The following SGO1 variants were observed in gnomAD, a reference collection of about 807,000 sequenced individuals.
The protein encoded by SGO1 is shugoshin 1, also known as serologically defined breast cancer antigen NY-BR-85.
In SGO1, 39 loss-of-function variants were observed where a neutral mutation model predicts 50.5. The ratio of observed to expected loss-of-function variants is 0.77; its 90% confidence interval spans 0.60 to 1.01. The LOEUF is 1.01. Ranked by LOEUF, SGO1 falls within the 50% of genes least tolerant of loss-of-function variation. The probability of loss-of-function intolerance (pLI) is 0.00; values close to 1 mark genes in which losing one functional copy is unlikely to be tolerated. For synonymous variants in SGO1, 191 were observed against 205.1 expected (o/e 0.93, Z 0.59); for missense variants, 638 against 606.0 (o/e 1.05, Z -0.55).
At chr3:20,180,584 G>C (rs1701900079) in intron 3 of SGO1, among the ~76,000 whole-genome samples, 1 of 152,122 alleles carries the variant, frequency 6.6e-6, no homozygotes, top group African/African-American at 2.4e-5. Context: ...CTGGGGAGTG[G>C]CTGGGGTTGG....
downstream of SGO1, chr3:20,168,786 G>T (rs1700447304): frequency 4.5e-6 from 1 of 222,042 alleles, no homozygotes; most frequent in African/African-American, 2.3e-5. Context: ...GGGACTACAG[G>T]CGCCTGGCTA....
chr3:20,178,257 A>G lies in SGO1; in HGVS notation c.416+14T>C. On this transcript the variant is annotated intron_variant, in intron 4 of 7. Coordinates refer to ENST00000412997, the MANE Select transcript of SGO1 (RefSeq NM_001199251.3). Reference sequence around the variant, plus strand: ...CTTAGTATTAATAATCATGATAAAGAATTTGATACTAACGGTAAATCCTTC... The same window carrying G: ...CTTAGTATTAATAATCATGATAAAGGATTTGATACTAACGGTAAATCCTTC... The G allele has an allele frequency of 6.4e-7, 1 of 1,567,586 alleles. No homozygotes were observed. The highest frequency in any genetic ancestry group is 1.1e-5 in the South Asian group (1 of 89,924).
Position 20,174,962 on chromosome 3 carries a change from GA to G in SGO1, c.568del (p.Ser190LeufsTer6). The G allele has an allele frequency of 6.2e-7, 1 of 1,613,804 alleles. No individual in the cohort carries two copies. ...STDNVLPRTV[S>X]VRSSLKKHCN... ...ATGTTTCTTTAAACTGCTACGAACA[GA>G]TACAGTTCTAGGTAAGACATTATCA... On this transcript the variant is annotated frameshift_variant, in exon 6 of 8. Coordinates refer to ENST00000412997, the MANE Select transcript of SGO1 (RefSeq NM_001199251.3). LOFTEE classifies it high-confidence loss of function.
chr3:20,168,426 GCTTT>G (rs939555421), downstream of SGO1, among the ~76,000 whole-genome samples: 7 of 126,112 alleles, frequency 5.6e-5, no homozygotes, highest in Admixed American at 1.6e-4. Flanking sequence ...TCAAATGTTT[GCTTT>G]TTTTTTTTTT....
intron 5 of SGO1, among the ~76,000 whole-genome samples, chr3:20,175,279 G>T (rs756957882): frequency 3.3e-5 from 5 of 152,156 alleles, no homozygotes; most frequent in Non-Finnish European, 7.3e-5. Context: ...AAAGAATCTT[G>T]TACAGGTTCA....
intron 4 of SGO1, among the ~76,000 whole-genome samples, chr3:20,177,911 C>G (rs182524685): frequency 1.0e-3 from 137 of 133,968 alleles, no homozygotes; most frequent in Non-Finnish European, 1.6e-3. Flanking sequence ...ATTTTCTGAA[C>G]CAGACTATTC....
chr3:20,184,629 T>A (rs921044894), intron 1 of SGO1, among the ~76,000 whole-genome samples: 1 of 152,182 alleles, frequency 6.6e-6, no homozygotes, highest in African/African-American at 2.4e-5. Context: ...CATACAATTT[T>A]AATAGGCTAT....
chr3:20,185,626 G>C (rs1396621241), intron 1 of SGO1, among the ~76,000 whole-genome samples: 1 of 152,228 alleles, frequency 6.6e-6, no homozygotes, highest in Non-Finnish European at 1.5e-5. Flanking sequence ...GTGAGGAAGA[G>C]AATGGCCTGG....
At chr3:20,184,155 ATAGT>A in intron 1 of SGO1, 121 bp from the exon 2 acceptor site, 2 of 632,434 alleles carry the variant, frequency 3.2e-6, no homozygotes, top group East Asian at 3.3e-5. Flanking sequence ...CTCAAAGTAG[ATAGT>A]TAACCAACTT....
At chr3:20,180,905 T>C (rs190317143) in intron 3 of SGO1, among the ~76,000 whole-genome samples, 3 of 152,300 alleles carry the variant, frequency 2.0e-5, no homozygotes, top group Admixed American at 6.5e-5. Flanking sequence ...GGCCAGAGGA[T>C]TGCTTGATAC....
At position 20,174,881 on chromosome 3, in the gene SGO1, G is replaced by C. The variant is rs1701199998; in HGVS notation, c.650C>G (p.Ala217Gly). The part of the protein sequence containing the change: ...SLDDFETSHL[A>G]GKSFEFERVG... ...TCTTTCGAATTCAAAAGACTTCCCT[G>C]CCAAATGACTGGTTTCAAAATCATC... Residue 217 changes from alanine (A) to glycine (G), a missense_variant, in exon 6 of 8, where the codon GCA becomes GGA. Coordinates refer to ENST00000412997, the MANE Select transcript of SGO1 (RefSeq NM_001199251.3). 1.2e-6 allele frequency: 2 copies of C among 1,613,876 alleles called. No homozygotes were observed. The highest frequency in any genetic ancestry group is 1.7e-4 in the Middle Eastern group (1 of 6,058).
chr3:20,170,677 G>GGTCGC lies in SGO1; in HGVS notation c.*26_*27insGCGAC. ...GAAGCAACAGAAAGAGGTGTAGATT[G>GGTCGC]AATTTAAACAATATCCAACAAAACC... On this transcript the variant is annotated 3_prime_UTR_variant, in exon 8 of 8. Transcript: ENST00000412997. 1 of 1,534,956 alleles carries GGTCGC rather than the reference G, an allele frequency of 6.5e-7. No individual in the cohort carries two copies. The highest frequency in any genetic ancestry group is 1.3e-5 in the South Asian group (1 of 78,870).
rs145119421 is a variant in SGO1, at chr3:20,183,597, A to G, written c.339+11T>C. 6.4e-7 allele frequency: 1 copy of G among 1,557,332 alleles called. No homozygotes were observed. The highest frequency in any genetic ancestry group is 8.6e-7 in the Non-Finnish European group (1 of 1,157,986). ...CTAAACTAAGAAATTCGGCCTTAGT[A>G]ATGAAAATACCTGAGCAGGTTCTAC... On this transcript the variant is annotated intron_variant, in intron 3 of 7. Coordinates refer to ENST00000412997, the MANE Select transcript of SGO1 (RefSeq NM_001199251.3).
intron 8 of SGO1, chr3:20,161,242 A>G: frequency 6.5e-7 from 1 of 1,549,778 alleles, no homozygotes. Context: ...AAAAGCAAAC[A>G]CAAAATCAGT....
downstream of SGO1, among the ~76,000 whole-genome samples, chr3:20,167,894 A>T (rs954039399): frequency 1.3e-5 from 2 of 152,214 alleles, no homozygotes; most frequent in Admixed American, 6.5e-5. Flanking sequence ...CTGCAGCACT[A>T]ATTTGTAAAT....
intron 1 of SGO1, among the ~76,000 whole-genome samples, chr3:20,184,635 G>C (rs1434346762): frequency 6.6e-6 from 1 of 152,088 alleles, no homozygotes; most frequent in South Asian, 2.1e-4. Context: ...ATTTTAATAG[G>C]CTATTGTAAC....
intron 5 of SGO1, among the ~76,000 whole-genome samples, chr3:20,176,287 T>C (rs1417781791): frequency 2.0e-5 from 3 of 152,218 alleles, no homozygotes; most frequent in Admixed American, 1.3e-4. Context: ...ACTGTACTTA[T>C]AGTCCTAGGT....
downstream of SGO1, among the ~76,000 whole-genome samples, chr3:20,167,575 AAATC>A (rs369485079): frequency 3.4e-3 from 512 of 152,334 alleles, 3 homozygotes; most frequent in South Asian, 9.3e-3. Context: ...TCTCATAAAT[AAATC>A]AATCAGATAC....
In SGO1 at chr3:20,171,203, G is replaced by T. The variant is rs760976754; in HGVS notation, c.1312C>A (p.His438Asn). 6 of 1,602,412 alleles carry T rather than the reference G, an allele frequency of 3.7e-6. No individual in the cohort carries two copies. Among genetic ancestry groups the T allele is most frequent in the Non-Finnish European group, 5.1e-6 (6 of 1,176,396 alleles). The stretch of plus-strand genomic sequence containing the variant: ...TTGGTGATATCCTTCAGGCTAAGAT[G>T]AGGTGACTGCTGAGTTTCAGGTGGT... ...TTPPETQQSP[H>N]LSLKDITNVS... Residue 438 changes from histidine (H) to asparagine (N), a missense_variant, in exon 7 of 8, where the codon CAT becomes AAT. Coordinates refer to ENST00000412997, the MANE Select transcript of SGO1 (RefSeq NM_001199251.3).
Sources: allele counts gnomAD v4.1 joint callset (sites outside exome capture counted in the v4.1 genomes callset), GRCh38; gene constraint gnomAD v4.1.1; transcripts MANE v1.5; gene names NCBI Gene and HGNC (gene_info 2026-07-23, HGNC 2026-07-21).